Variants in MSH3 observed in about 807,000 individuals in gnomAD.
MSH3 encodes the protein DNA mismatch repair protein Msh3.
A neutral mutation model predicts 123.3 loss-of-function variants in MSH3; 106 were observed. The observed-to-expected ratio is 0.86, with a 90% CI of 0.73 to 1.01. The LOEUF is 1.01. Among genes scored for constraint, MSH3 ranks in the 50% least tolerant of loss-of-function variants. The probability of loss-of-function intolerance (pLI) is 0.00; values close to 1 mark genes in which losing one functional copy is unlikely to be tolerated. For synonymous variants in MSH3, 515 were observed against 481.4 expected (o/e 1.07, Z -0.91); for missense variants, 1,459 against 1,347.6 (o/e 1.08, Z -1.29).
chr5:80,824,005 G>T (rs1205426920), intron 20 of MSH3, among the ~76,000 whole-genome samples: 3 of 152,096 alleles, frequency 2.0e-5, no homozygotes, highest in African/African-American at 4.8e-5. Flanking sequence ...GAGAGCACAG[G>T]GTTGGGGGCA....
chr5:80,868,203 A>C (rs1217509809), intron 22 of MSH3, among the ~76,000 whole-genome samples: 2 of 152,156 alleles, frequency 1.3e-5, no homozygotes, highest in Non-Finnish European at 1.5e-5. Context: ...TGTGTAAGGC[A>C]GTGTGGTGAT....
At chr5:80,743,258 G>C (rs537100056) in intron 11 of MSH3, among the ~76,000 whole-genome samples, 4 of 152,258 alleles carry the variant, frequency 2.6e-5, no homozygotes, top group African/African-American at 9.6e-5. Context: ...GGTCTCAGGA[G>C]CAGTGCTGCT....
At chr5:80,870,593 G>A (rs1580102725) in intron 22 of MSH3, among the ~76,000 whole-genome samples, 1 of 152,164 alleles carries the variant, frequency 6.6e-6, no homozygotes, top group South Asian at 2.1e-4. Context: ...GGGGGCAAAA[G>A]GTACTGTCAG....
rs1291073020 is a variant in MSH3, at chr5:80,792,850, T to C, written c.2655+6T>C. On this transcript the variant is annotated splice_donor_region_variant and intron_variant, in intron 19 of 23. Transcript: ENST00000265081. ...CAAATAATACAGATTTATCAGTAAGTACCTTATGCCAAAAAATAAGTCGAT... is the reference window on the plus strand; with the variant it reads ...CAAATAATACAGATTTATCAGTAAGCACCTTATGCCAAAAAATAAGTCGAT... The C allele has an allele frequency of 6.5e-7, 1 of 1,539,448 alleles. No individual in the cohort carries two copies. Among genetic ancestry groups the C allele is most frequent in the African/African-American group, 1.4e-5 (1 of 73,440 alleles).
chr5:80,842,893 T>A (rs1031402814), intron 20 of MSH3, among the ~76,000 whole-genome samples: 1 of 152,170 alleles, frequency 6.6e-6, no homozygotes, highest in Non-Finnish European at 1.5e-5. Flanking sequence ...GAATACCCTT[T>A]ATTTCTTTCT....
At chr5:80,702,025 A>C (rs186904501) in intron 8 of MSH3, among the ~76,000 whole-genome samples, 1 of 152,244 alleles carries the variant, frequency 6.6e-6, no homozygotes, top group Admixed American at 6.5e-5. Flanking sequence ...AAACAAAAAA[A>C]ACCCAAAAAC....
At chr5:80,783,237 A>G (rs541858267) in intron 17 of MSH3, among the ~76,000 whole-genome samples, 1 of 152,304 alleles carries the variant, frequency 6.6e-6, no homozygotes, top group East Asian at 1.9e-4. Flanking sequence ...AGGTTAAATC[A>G]TAGTGCCTTG....
intron 8 of MSH3, among the ~76,000 whole-genome samples, chr5:80,697,185 A>G (rs1216893636): frequency 6.6e-6 from 1 of 152,198 alleles, no homozygotes; most frequent in East Asian, 1.9e-4. Context: ...TTAAAAATTA[A>G]AAGTATTTGA....
intron 22 of MSH3, among the ~76,000 whole-genome samples, chr5:80,867,060 G>A (rs373860704): frequency 6.6e-6 from 1 of 152,308 alleles, no homozygotes; most frequent in East Asian, 1.9e-4. Flanking sequence ...TGGGCCTGCG[G>A]CACAGCTGTC....
chr5:80,727,608 A>G (rs1346745853), intron 9 of MSH3, among the ~76,000 whole-genome samples: 1 of 152,206 alleles, frequency 6.6e-6, no homozygotes, highest in Non-Finnish European at 1.5e-5. Flanking sequence ...ACATACACAT[A>G]TAGTTCTCTG....
chr5:80,688,598 C>T (rs888573043), intron 8 of MSH3, among the ~76,000 whole-genome samples: 3 of 151,880 alleles, frequency 2.0e-5, no homozygotes, highest in Admixed American at 1.3e-4. Context: ...AAATATTTAG[C>T]AGAGTTTTGG....
At chr5:80,823,631 T>C (rs991853474) in intron 20 of MSH3, among the ~76,000 whole-genome samples, 5 of 151,820 alleles carry the variant, frequency 3.3e-5, no homozygotes, top group African/African-American at 4.8e-5. Flanking sequence ...ATTTTTTTTT[T>C]CCATGGAGCT....
intron 20 of MSH3, among the ~76,000 whole-genome samples, chr5:80,850,836 C>A (rs574383799): frequency 1.3e-4 from 20 of 152,202 alleles, no homozygotes; most frequent in African/African-American, 4.8e-4. Flanking sequence ...TGTCATTTTT[C>A]CTTATGTGTC....
chr5:80,777,559 C>G (rs1413683772), intron 16 of MSH3, among the ~76,000 whole-genome samples: 3 of 152,090 alleles, frequency 2.0e-5, no homozygotes, highest in Non-Finnish European at 4.4e-5. Context: ...AATTTTAAAG[C>G]AACAAGCAAG....
intron 8 of MSH3, among the ~76,000 whole-genome samples, chr5:80,692,090 TTAGA>T (rs754269907): frequency 5.5e-4 from 34 of 62,368 alleles, no homozygotes; most frequent in South Asian, 1.4e-3. Context: ...ATGTATATGT[TTAGA>T]TAGATAGATA....
chr5:80,669,013 A>G (rs538190736), intron 3 of MSH3, among the ~76,000 whole-genome samples: 1 of 152,312 alleles, frequency 6.6e-6, no homozygotes, highest in Admixed American at 6.5e-5. Context: ...ATGGGCTGCC[A>G]TTGCCATCAT....
At chr5:80,823,797 A>G (rs1177253627) in intron 20 of MSH3, among the ~76,000 whole-genome samples, 1 of 152,154 alleles carries the variant, frequency 6.6e-6, no homozygotes, top group East Asian at 1.9e-4. Flanking sequence ...CAGCAGATAA[A>G]CAAGTGAACA....
rs1294940845 is a variant in MSH3 at position 80,876,602 on chromosome 5, T to G, written c.*740T>G. 3 of 150,338 alleles carry G rather than the reference T, an allele frequency of 2.0e-5. No homozygotes were observed. Among genetic ancestry groups the G allele is most frequent in the Non-Finnish European group, 4.4e-5 (3 of 67,816 alleles). The allele number at this position is 150,338 out of a possible 1,614,324, so 9.3% of individuals were successfully genotyped here. ...CGAGATCACGTCACTGCACTCCAGCTTGGGCAACAGAGCAAGACTCCATCT... is the reference window on the plus strand; with the variant it reads ...CGAGATCACGTCACTGCACTCCAGCGTGGGCAACAGAGCAAGACTCCATCT... On this transcript the variant is annotated 3_prime_UTR_variant, in exon 24 of 24. Transcript: ENST00000265081.
At chr5:80,722,903 G>A (rs1277194004) in intron 8 of MSH3, among the ~76,000 whole-genome samples, 1 of 152,080 alleles carries the variant, frequency 6.6e-6, no homozygotes, top group African/African-American at 2.4e-5. Flanking sequence ...CCAGGAGTTT[G>A]ACACCAGCCT....
Sources: gnomAD v4.1 joint callset for allele counts (sites outside exome capture counted in the v4.1 genomes callset) on GRCh38, gnomAD v4.1.1 for gene constraint, MANE v1.5 for transcripts, NCBI Gene and HGNC (gene_info 2026-07-23, HGNC 2026-07-21) for gene names.